Variants in NXPE4 observed in about 807,000 individuals in gnomAD.
The protein encoded by NXPE4 is neurexophilin and PC-esterase domain family member 4.
In NXPE4, 42 loss-of-function variants were observed where a neutral mutation model predicts 33.3. The ratio of observed to expected loss-of-function variants is 1.26; its 90% CI spans 0.98 to 1.63. The LOEUF is 1.63. Among genes scored for constraint, NXPE4 ranks in the 40% most tolerant of loss-of-function variants. The pLI is 0.00. For missense variants in NXPE4, 709 were observed against 647.6 expected (o/e 1.09, Z -1.03); for synonymous variants, 253 against 234.9 (o/e 1.08, Z -0.71).
At chr11:114,608,498 AGAT>A in the NXPE4 span, among the ~76,000 whole-genome samples, 1 of 148,418 alleles carries the variant, frequency 6.7e-6, no homozygotes, top group African/African-American at 2.5e-5. Flanking sequence ...GTTACCTGGT[AGAT>A]GATAAGTGTT....
chr11:114,645,080 T>C, the NXPE4 span, among the ~76,000 whole-genome samples: 1 of 151,810 alleles, frequency 6.6e-6, no homozygotes, highest in African/African-American at 2.4e-5. Context: ...GGCAGGCGGA[T>C]TCCTTGAGGT....
At chr11:114,573,479 A>G (rs1343287146) in intron 5 of NXPE4, among the ~76,000 whole-genome samples, 1 of 151,946 alleles carries the variant, frequency 6.6e-6, no homozygotes, top group Non-Finnish European at 1.5e-5. Context: ...CTATTTAATA[A>G]CACATAAGAA....
the NXPE4 span, among the ~76,000 whole-genome samples, chr11:114,617,941 TA>T: frequency 1.3e-5 from 2 of 152,018 alleles, no homozygotes; most frequent in African/African-American, 4.8e-5. Context: ...GCATAATAAG[TA>T]TTGCCTCGTG....
the NXPE4 span, among the ~76,000 whole-genome samples, chr11:114,669,614 C>T: frequency 6.6e-6 from 1 of 152,070 alleles, no homozygotes; most frequent in East Asian, 1.9e-4. Flanking sequence ...CACTTCAGCT[C>T]ACTGGCTGAG....
chr11:114,617,893 A>G, the NXPE4 span, among the ~76,000 whole-genome samples: 1 of 152,228 alleles, frequency 6.6e-6, no homozygotes. Flanking sequence ...CCTGGCGGAT[A>G]ATAAGTATTG....
chr11:114,628,952 C>T, the NXPE4 span, among the ~76,000 whole-genome samples: 34 of 152,134 alleles, frequency 2.2e-4, 1 homozygote, highest in East Asian at 4.4e-3. Context: ...GACACATACA[C>T]CCTCCCAAGA....
the NXPE4 span, among the ~76,000 whole-genome samples, chr11:114,618,067 T>C: frequency 1.3e-5 from 2 of 151,962 alleles, no homozygotes; most frequent in African/African-American, 4.8e-5. Flanking sequence ...GGATAATAAG[T>C]GTTGCCTCAT....
At chr11:114,609,626 G>A in the NXPE4 span, among the ~76,000 whole-genome samples, 7 of 150,992 alleles carry the variant, frequency 4.6e-5, no homozygotes, top group Non-Finnish European at 4.4e-5. Flanking sequence ...ATGCTTACCC[G>A]ATGGATAATA....
At chr11:114,659,721 A>G in the NXPE4 span, among the ~76,000 whole-genome samples, 1 of 152,160 alleles carries the variant, frequency 6.6e-6, no homozygotes, top group Non-Finnish European at 1.5e-5. Context: ...TTAGAAAAGA[A>G]CAAAGGTCTA....
the NXPE4 span, among the ~76,000 whole-genome samples, chr11:114,617,936 A>G: frequency 4.0e-5 from 6 of 151,746 alleles, no homozygotes; most frequent in African/African-American, 1.2e-4. Context: ...CTGCTGCATA[A>G]TAAGTATTGC....
the NXPE4 span, among the ~76,000 whole-genome samples, chr11:114,639,846 A>T: frequency 7.5e-5 from 8 of 107,176 alleles, no homozygotes; most frequent in East Asian, 1.8e-3. Context: ...TTAAATATAA[A>T]ATATAATATA....
chr11:114,622,237 C>CTGTTA, the NXPE4 span, among the ~76,000 whole-genome samples: 5 of 104,718 alleles, frequency 4.8e-5, no homozygotes, highest in African/African-American at 1.5e-4. Context: ...TGGTTAACCA[C>CTGTTA]TGTTATCCAG....
the NXPE4 span, among the ~76,000 whole-genome samples, chr11:114,643,887 A>G: frequency 1.3e-5 from 2 of 152,136 alleles, no homozygotes; most frequent in African/African-American, 2.4e-5. Flanking sequence ...AATTCTTCCT[A>G]TTCATGAGCA....
chr11:114,665,956 G>A, the NXPE4 span, among the ~76,000 whole-genome samples: 1 of 152,120 alleles, frequency 6.6e-6, no homozygotes, highest in African/African-American at 2.4e-5. Flanking sequence ...TACAAGTGAG[G>A]AGACTGAGGT....
the NXPE4 span, among the ~76,000 whole-genome samples, chr11:114,669,743 G>T: frequency 1.3e-5 from 2 of 151,888 alleles, no homozygotes; most frequent in South Asian, 2.1e-4. Flanking sequence ...TTTTCCAAGG[G>T]CACTGACTTT....
At chr11:114,594,176 G>A (rs1949525637) in intron 2 of NXPE4, among the ~76,000 whole-genome samples, 1 of 152,012 alleles carries the variant, frequency 6.6e-6, no homozygotes, top group African/African-American at 2.4e-5. Flanking sequence ...AGCTAAAAGA[G>A]TATAATTGTC....
chr11:114,639,266 CGAGCCA>C, the NXPE4 span, among the ~76,000 whole-genome samples: 1 of 151,202 alleles, frequency 6.6e-6, no homozygotes, highest in African/African-American at 2.4e-5. Flanking sequence ...TAGGACCCTC[CGAGCCA>C]GGTGCAGGAT....
At chr11:114,605,261 G>A in the NXPE4 span, among the ~76,000 whole-genome samples, 2 of 151,838 alleles carry the variant, frequency 1.3e-5, no homozygotes, top group African/African-American at 4.8e-5. Context: ...ACAGCCTCGT[G>A]GGAAACCACT....
chr11:114,661,646 A>G, the NXPE4 span, among the ~76,000 whole-genome samples: 2 of 152,206 alleles, frequency 1.3e-5, no homozygotes, highest in Non-Finnish European at 2.9e-5. Context: ...TTTCCTCTTT[A>G]TCTCAGGATT....
Sources: gnomAD v4.1 joint callset for allele counts (sites outside exome capture counted in the v4.1 genomes callset) on GRCh38, gnomAD v4.1.1 for gene constraint, MANE v1.5 for transcripts, NCBI Gene and HGNC (gene_info 2026-07-23, HGNC 2026-07-21) for gene names.